Variants in FZD3 observed in about 807,000 individuals in gnomAD.
FZD3 encodes frizzled class receptor 3.
Under a neutral mutation model 60.7 loss-of-function variants are expected in FZD3, and 30 were observed. The observed-to-expected ratio is 0.49, with a 90% CI of 0.37 to 0.67. The LOEUF is 0.67. Among genes scored for constraint, FZD3 ranks in the 30% least tolerant of loss-of-function variants. The pLI is 0.00. For synonymous variants in FZD3, 246 were observed against 275.2 expected (o/e 0.89, Z 1.05); for missense variants, 605 against 838.7 (o/e 0.72, Z 3.44).
In FZD3 at chr8:28,568,680, A is replaced by C. The variant is rs1191715211; in HGVS notation, c.*5669A>C. ...ATTCTGTGATCTCTAATTAGAAAGT[A>C]AAATTCTGTTGCCATAAATATAAAA... On this transcript the variant is annotated 3_prime_UTR_variant, in exon 8 of 8. Transcript: ENST00000240093. 4 of 152,164 alleles carry C rather than the reference A, an allele frequency of 2.6e-5. No homozygotes were observed. The highest frequency in any genetic ancestry group is 5.9e-5 in the Non-Finnish European group (4 of 67,984). 9.4% of individuals were successfully genotyped at this position (152,164 alleles called of 1,614,324 possible). A position where few individuals can be genotyped will look rare whatever the true frequency, so the allele number is the denominator to read the frequency against.
At chr8:28,498,524 C>A (rs963025373) in intron 1 of FZD3, among the ~76,000 whole-genome samples, 2 of 152,120 alleles carry the variant, frequency 1.3e-5, no homozygotes, top group African/African-American at 4.8e-5. Flanking sequence ...GCAGATAATT[C>A]ATTATGTTAT....
At chr8:28,552,619 CTG>C (rs1805434018) in intron 6 of FZD3, among the ~76,000 whole-genome samples, 2 of 152,180 alleles carry the variant, frequency 1.3e-5, no homozygotes, top group East Asian at 3.9e-4. Flanking sequence ...TGTGGGTAGT[CTG>C]TAAATATTTT....
At chr8:28,496,534 AATATGTACTGGATAAATTATTCAGT>A (rs1230082898) in intron 1 of FZD3, among the ~76,000 whole-genome samples, 1 of 152,212 alleles carries the variant, frequency 6.6e-6, no homozygotes, top group East Asian at 1.9e-4. Context: ...TGATTTTAAA[AATATGTACTGGATAAATTATTCAGT>A]ATAGATTGGA....
chr8:28,525,374 A>G (rs1033665039), intron 4 of FZD3, among the ~76,000 whole-genome samples: 1 of 152,172 alleles, frequency 6.6e-6, no homozygotes, highest in Non-Finnish European at 1.5e-5. Context: ...GAGGGATTCT[A>G]TTTTCTATAG....
rs1805845028 is a variant in FZD3 at position 28,573,669 on chromosome 8, A to G, written c.*10658A>G. 1 of 150,854 alleles carries G rather than the reference A, an allele frequency of 6.6e-6. No homozygotes were observed. The highest frequency in any genetic ancestry group is 2.1e-4 in the South Asian group (1 of 4,754). 9.3% of individuals were successfully genotyped at this position (150,854 alleles called of 1,614,324 possible). ...TGTCTTCCAGCTCTTTCTCATTGAT[A>G]CTACCTTTACATATGAATACTATCC... On this transcript the variant is annotated 3_prime_UTR_variant, in exon 8 of 8. Coordinates refer to ENST00000240093, the MANE Select transcript of FZD3 (RefSeq NM_017412.4).
chr8:28,546,217 G>A (rs1018626673), intron 5 of FZD3, among the ~76,000 whole-genome samples: 3 of 152,160 alleles, frequency 2.0e-5, no homozygotes, highest in African/African-American at 7.2e-5. Context: ...AACATAAATG[G>A]TGATCATATT....
intron 3 of FZD3, among the ~76,000 whole-genome samples, chr8:28,511,257 G>A (rs1804280701): frequency 6.6e-6 from 1 of 152,100 alleles, no homozygotes; most frequent in East Asian, 1.9e-4. Flanking sequence ...GGAGGCCGAG[G>A]CAGGCGGATC....
intron 3 of FZD3, among the ~76,000 whole-genome samples, chr8:28,509,340 T>G (rs1034610069): frequency 6.6e-6 from 1 of 151,764 alleles, no homozygotes; most frequent in Admixed American, 6.5e-5. Context: ...ATAAAATATT[T>G]ATATATCTAT....
intron 4 of FZD3, among the ~76,000 whole-genome samples, chr8:28,523,193 A>G (rs1316140114): frequency 2.6e-4 from 39 of 152,194 alleles, no homozygotes; most frequent in Admixed American, 2.5e-3. Flanking sequence ...TGGGTAAATT[A>G]TAAATAATAG....
intron 4 of FZD3, among the ~76,000 whole-genome samples, chr8:28,524,393 A>G (rs1804663748): frequency 6.6e-6 from 1 of 152,112 alleles, no homozygotes; most frequent in South Asian, 2.1e-4. Context: ...CAGCAGTTGT[A>G]TTTTCTATTT....
chr8:28,521,442 T>G (rs1411876858), intron 4 of FZD3, among the ~76,000 whole-genome samples: 3 of 152,122 alleles, frequency 2.0e-5, no homozygotes. Context: ...TCTGAAATAT[T>G]TCAAGGATAA....
intron 3 of FZD3, among the ~76,000 whole-genome samples, chr8:28,520,041 C>A (rs1804533478): frequency 6.6e-6 from 1 of 151,814 alleles, no homozygotes; most frequent in Non-Finnish European, 1.5e-5. Context: ...GAAACCCCAT[C>A]TCTACTGAAA....
At chr8:28,533,816 CAG>C (rs1376567160) in intron 5 of FZD3, among the ~76,000 whole-genome samples, 2 of 151,948 alleles carry the variant, frequency 1.3e-5, no homozygotes, top group Non-Finnish European at 2.9e-5. Flanking sequence ...CATAATAATT[CAG>C]AGACTGTTCT....
chr8:28,533,678 T>A (rs1804935462), intron 5 of FZD3, among the ~76,000 whole-genome samples: 1 of 152,156 alleles, frequency 6.6e-6, no homozygotes, highest in African/African-American at 2.4e-5. Context: ...CACAGAAAGG[T>A]CCCCTCACAA....
At chr8:28,500,214 A>AC (rs1803952375) in intron 2 of FZD3, among the ~76,000 whole-genome samples, 1 of 152,236 alleles carries the variant, frequency 6.6e-6, no homozygotes, top group African/African-American at 2.4e-5. Context: ...TCACAGCTTA[A>AC]CAGTAGATTT....
rs1487362908 is a variant in FZD3 at position 28,573,281 on chromosome 8, TCTTA to T, written c.*10271_*10274del. 6.6e-6 allele frequency: 1 copy of T among 152,174 alleles called. No homozygotes were observed. Among genetic ancestry groups the T allele is most frequent in the Non-Finnish European group, 1.5e-5 (1 of 68,028 alleles). 9.4% of individuals were successfully genotyped at this position (152,174 alleles called of 1,614,324 possible). ...TTAGTGACTATAGCCCTTTTATCTC[TCTTA>T]AAGAGAAATCTGCATTAAAAGCAAA... On this transcript the variant is annotated 3_prime_UTR_variant, in exon 8 of 8. Transcript: ENST00000240093.
chr8:28,508,483 C>T (rs1005006374), intron 3 of FZD3, among the ~76,000 whole-genome samples: 2 of 142,498 alleles, frequency 1.4e-5, no homozygotes, highest in African/African-American at 2.6e-5. Flanking sequence ...CTGATACTTG[C>T]GATTCAAGTA....
chr8:28,542,806 G>GT (rs1336537159), intron 5 of FZD3, among the ~76,000 whole-genome samples: 2 of 152,192 alleles, frequency 1.3e-5, no homozygotes, highest in African/African-American at 4.8e-5. Flanking sequence ...GCTCTACAGT[G>GT]TAAGTTCAAC....
chr8:28,542,506 C>T (rs1283513483), intron 5 of FZD3, among the ~76,000 whole-genome samples: 2 of 152,050 alleles, frequency 1.3e-5, no homozygotes, highest in African/African-American at 2.4e-5. Flanking sequence ...GGCCTAGTGG[C>T]GCATGCCTGT....
Sources: allele counts gnomAD v4.1 joint callset (sites outside exome capture counted in the v4.1 genomes callset), GRCh38; gene constraint gnomAD v4.1.1; transcripts MANE v1.5; gene names NCBI Gene and HGNC (gene_info 2026-07-23, HGNC 2026-07-21).